Variants in FRMPD2 observed in about 807,000 individuals in gnomAD.
The protein encoded by FRMPD2 is FERM and PDZ domain-containing protein 2.
A neutral mutation model predicts 140.1 loss-of-function variants in FRMPD2; 96 were observed. The observed-to-expected ratio is 0.69, with a 90% CI of 0.58 to 0.81. The LOEUF is 0.81. Among genes scored for constraint, FRMPD2 ranks in the 40% least tolerant of loss-of-function variants. The pLI, the probability that FRMPD2 is intolerant of heterozygous loss-of-function variation, is 0.00. For synonymous variants in FRMPD2, 449 were observed against 547.6 expected (o/e 0.82, Z 2.52); for missense variants, 1,240 against 1,447.4 (o/e 0.86, Z 2.32).
At chr10:48,195,001 A>T (rs1387511018) in intron 15 of FRMPD2, among the ~76,000 whole-genome samples, 1 of 152,242 alleles carries the variant, frequency 6.6e-6, no homozygotes, top group Non-Finnish European at 1.5e-5. Flanking sequence ...GACTCATAGC[A>T]TAATTGTGGC....
rs150099067 is a variant in FRMPD2 at position 48,248,693 on chromosome 10, C to T, written c.309+328G>A. The T allele has an allele frequency of 4.6e-5, 8 of 173,470 alleles. No homozygotes were observed. The East Asian group carries it at 1.2e-3, about 26-fold the overall frequency. The allele number at this position is 173,470 out of a possible 1,614,324, so 10.7% of individuals were successfully genotyped here. The stretch of plus-strand genomic sequence containing the variant: ...TCATTTTGAGGTGTCTTGCTACATA[C>T]TGCCAATGGTAACAATGTGCCAGAC... On this transcript the variant is annotated intron_variant, in intron 3 of 28. Coordinates refer to ENST00000374201, the MANE Select transcript of FRMPD2 (RefSeq NM_001018071.4).
intron 1 of FRMPD2, among the ~76,000 whole-genome samples, chr10:48,252,087 T>C (rs1230739726): frequency 1.3e-5 from 2 of 152,084 alleles, no homozygotes; most frequent in Non-Finnish European, 2.9e-5. Context: ...CTGGAGAAGT[T>C]AGCTAACATT....
intron 1 of FRMPD2, among the ~76,000 whole-genome samples, chr10:48,272,252 T>C (rs973930795): frequency 6.6e-6 from 1 of 152,218 alleles, no homozygotes; most frequent in African/African-American, 2.4e-5. Flanking sequence ...CTCACCACTC[T>C]GTATTCTGCT....
chr10:48,231,696 T>C (rs530434974), intron 10 of FRMPD2, among the ~76,000 whole-genome samples: 1 of 152,316 alleles, frequency 6.6e-6, no homozygotes, highest in East Asian at 1.9e-4. Context: ...GAGTCTCTAA[T>C]AGAACGTCAG....
At chr10:48,186,291 C>A (rs1166176337) in intron 17 of FRMPD2, among the ~76,000 whole-genome samples, 2 of 152,228 alleles carry the variant, frequency 1.3e-5, no homozygotes, top group Non-Finnish European at 2.9e-5. Flanking sequence ...CTCCCTCCCC[C>A]AGGGACCTTG....
intron 10 of FRMPD2, 73 bp from the exon 11 acceptor site, chr10:48,223,343 A>C (rs1024509628): frequency 1.4e-4 from 209 of 1,472,154 alleles, no homozygotes; most frequent in Non-Finnish European, 1.9e-4. Context: ...TCATAGCCCT[A>C]AGCCCTACCC....
chr10:48,175,704 A>C lies in FRMPD2; in HGVS notation c.2989+142T>G, dbSNP rs1431457341. The C allele has an allele frequency of 4.4e-6, 3 of 677,326 alleles. No homozygotes were observed. The African/African-American group carries it at 5.3e-5, about 12-fold the overall frequency. The allele number at this position is 677,326 out of a possible 1,614,324, so 42.0% of individuals were successfully genotyped here. ...CTATCACCTCCTTTCCAGGTGAGAAAAGTATGACCTGGGGAGGCAATCATT... is the reference window on the plus strand; with the variant it reads ...CTATCACCTCCTTTCCAGGTGAGAACAGTATGACCTGGGGAGGCAATCATT... On this transcript the variant is annotated intron_variant, in intron 23 of 28. Coordinates refer to ENST00000374201, the MANE Select transcript of FRMPD2 (RefSeq NM_001018071.4).
Position 48,185,509 on chromosome 10 carries a change from C to T in FRMPD2, c.2359+44G>A, listed in dbSNP as rs116912319. ...AAACAGTACCCACCTCCCCACTTTG[C>T]CCAGCAGTAGAGACTGGGCCTCACC... is the stretch of plus-strand genomic sequence containing the variant. On this transcript the variant is annotated intron_variant, in intron 18 of 28. Coordinates refer to ENST00000374201, the MANE Select transcript of FRMPD2 (RefSeq NM_001018071.4). 5.3e-5 allele frequency: 75 copies of T among 1,408,842 alleles called. 1 individual carries two copies. The highest frequency in any genetic ancestry group is 4.6e-4 in the East Asian group (20 of 43,944). The allele number at this position is 1,408,842 out of a possible 1,614,324, so 87.3% of individuals were successfully genotyped here.
intron 5 of FRMPD2, 35 bp downstream of exon 5, chr10:48,242,126 C>G (rs371194522): frequency 6.9e-7 from 1 of 1,450,946 alleles, no homozygotes; most frequent in Non-Finnish European, 9.4e-7. Flanking sequence ...ACATGACCAG[C>G]AGCTACTGCT....
rs115919761 is a variant in FRMPD2 at position 48,232,228 on chromosome 10, T to C, written c.1055A>G (p.Gln352Arg). 1.1e-3 allele frequency: 1,852 copies of C among 1,614,210 alleles called. 6 individuals are homozygous for C. Among genetic ancestry groups the C allele is most frequent in the Non-Finnish European group, 1.5e-3 (1,727 of 1,180,028 alleles). The change falls in exon 10 of 29, where the codon CAG becomes CGG. Residue 352 changes from glutamine (Q) to arginine (R), a missense_variant. Physicochemically the swap from Gln to Arg is conservative, Grantham distance 43 (BLOSUM62 1). Around this residue, in one of 6 missense-constraint regions of FRMPD2, gnomAD observed 1,161 missense variants for 1,055.9 expected, o/e 1.10. Transcript: ENST00000374201. ...AACATCACATTTTACCTCCAGGTGC[T>C]GCCCGTTCAGCAGGACCACACAGAG... Reference protein sequence around the residue: ...RDLCVVLLNGQHLEVKCDVES... With the variant: ...RDLCVVLLNGRHLEVKCDVES...
intron 8 of FRMPD2, among the ~76,000 whole-genome samples, chr10:48,237,065 C>A (rs1402994592): frequency 6.6e-6 from 1 of 151,974 alleles, no homozygotes; most frequent in Non-Finnish European, 1.5e-5. Flanking sequence ...CAGCTATCCC[C>A]CTGTGGGGTG....
At chr10:48,243,173 G>T (rs971559987) in intron 4 of FRMPD2, among the ~76,000 whole-genome samples, 1 of 152,206 alleles carries the variant, frequency 6.6e-6, no homozygotes, top group Non-Finnish European at 1.5e-5. Flanking sequence ...ACCAGATACA[G>T]TCCCTGCCTT....
At chr10:48,203,150 G>A (rs1382919386) in intron 14 of FRMPD2, among the ~76,000 whole-genome samples, 2 of 152,118 alleles carry the variant, frequency 1.3e-5, no homozygotes, top group Non-Finnish European at 2.9e-5. Flanking sequence ...TCTGAAAAGG[G>A]AGAATCATTC....
At chr10:48,259,575 C>T (rs1028587717) in intron 1 of FRMPD2, among the ~76,000 whole-genome samples, 4 of 151,804 alleles carry the variant, frequency 2.6e-5, no homozygotes, top group African/African-American at 7.3e-5. Context: ...GTAATGTATT[C>T]TTAATCTGTT....
intron 15 of FRMPD2, among the ~76,000 whole-genome samples, chr10:48,194,520 C>A (rs139447500): frequency 6.6e-6 from 1 of 152,214 alleles, no homozygotes; most frequent in East Asian, 1.9e-4. Flanking sequence ...GAGGCAAGGT[C>A]GCAGCTCAGA....
chr10:48,213,902 G>T (rs1462724861), intron 12 of FRMPD2, among the ~76,000 whole-genome samples: 1 of 152,196 alleles, frequency 6.6e-6, no homozygotes, highest in Admixed American at 6.5e-5. Context: ...TACAAATTGA[G>T]TAATTCTTGT....
chr10:48,192,727 C>A lies in FRMPD2; in HGVS notation c.2122G>T (p.Val708Leu). Residue 708 changes from valine to leucine, a missense_variant, in exon 16 of 29, where the codon GTG (valine) becomes TTG (leucine). Physicochemically the swap from Val to Leu is conservative, Grantham distance 32 (BLOSUM62 1). This residue lies in a region of FRMPD2 where 1,161 missense variants were observed against 1,055.9 expected (regional missense o/e 1.10). Transcript: ENST00000374201. ...LLSTSMDNFN[V>L]DGSKEAGAEG... Reference sequence around the variant, plus strand: ...GCTCCAGCCTCCTTGCTGCCGTCCACGTTGAAGTTATCCATTGATGTACTC... The same window carrying A: ...GCTCCAGCCTCCTTGCTGCCGTCCAAGTTGAAGTTATCCATTGATGTACTC... 1 of 1,614,184 alleles carries A rather than the reference C, an allele frequency of 6.2e-7. No homozygotes were observed. The highest frequency in any genetic ancestry group is 8.5e-7 in the Non-Finnish European group (1 of 1,180,040).
chr10:48,270,591 T>G (rs1038903929), intron 1 of FRMPD2, among the ~76,000 whole-genome samples: 1 of 152,040 alleles, frequency 6.6e-6, no homozygotes, highest in African/African-American at 2.4e-5. Context: ...GTCCATCCCC[T>G]CCACAGCCAT....
At position 48,176,059 on chromosome 10, in the gene FRMPD2, C is replaced by A; in HGVS notation, c.2896-120G>T. 6.2e-6 allele frequency: 4 copies of A among 648,972 alleles called. No individual in the cohort carries two copies. In the East Asian group the frequency reaches 8.2e-5, roughly 13 times the overall value. 40.2% of individuals were successfully genotyped at this position (648,972 alleles called of 1,614,324 possible). On this transcript the variant is annotated intron_variant, in intron 22 of 28. Transcript: ENST00000374201. ...CTCTATCCCATGACCTTACCTCCGA[C>A]TGGCACTGTCTTCTGTATTCACCTG...
Sources: gnomAD v4.1 joint callset for allele counts (sites outside exome capture counted in the v4.1 genomes callset) on GRCh38, gnomAD v4.1.1 for gene constraint, gnomAD v4.1.1 regional missense constraint, MANE v1.5 for transcripts, NCBI Gene and HGNC (gene_info 2026-07-23, HGNC 2026-07-21) for gene names.